Variants in SMYD3 observed in about 807,000 individuals in gnomAD.
SMYD3 encodes SET and MYND domain containing 3.
SMYD3 carries 36 observed loss-of-function variants against 57.7 expected under a neutral mutation model. That is an observed-to-expected ratio of 0.62 (90% CI 0.48 to 0.82). The LOEUF is 0.82. Ranked by LOEUF, SMYD3 falls within the 40% of genes least tolerant of loss-of-function variation. The pLI is 0.00. For missense variants in SMYD3, 515 were observed against 538.8 expected (o/e 0.96, Z 0.44); for synonymous variants, 211 against 195.0 (o/e 1.08, Z -0.68).
In SMYD3 at chr1:246,127,073, A is replaced by G. The variant is rs574507307; in HGVS notation, c.532-197136T>C. Among the ~76,000 whole-genome samples, 4 of 152,320 alleles carry G rather than the reference A, an allele frequency of 2.6e-5. 1 individual carries two copies. The South Asian group carries it at 8.3e-4, about 32-fold the overall frequency. On this transcript the variant is annotated intron_variant, in intron 5 of 11. Transcript: ENST00000490107. ...GCGGATTCCAATGTATCTACACAGG[A>G]AGGTAAAGTGCAAAAGTACCAAAAG... is the stretch of plus-strand genomic sequence containing the variant.
chr1:246,392,241 T>C (rs2066584965), intron 1 of SMYD3, among the ~76,000 whole-genome samples: 1 of 152,022 alleles, frequency 6.6e-6, no homozygotes, highest in Admixed American at 6.6e-5. Context: ...CCAAGGTTGG[T>C]GAAAATGGGA....
intron 5 of SMYD3, among the ~76,000 whole-genome samples, chr1:246,290,538 G>T (rs937417218): frequency 6.6e-6 from 1 of 152,058 alleles, no homozygotes; most frequent in Non-Finnish European, 1.5e-5. Flanking sequence ...CTTAACTTTC[G>T]AGTGTGAGAG....
At chr1:246,393,651 C>A (rs2148772281) in intron 1 of SMYD3, among the ~76,000 whole-genome samples, 1 of 121,180 alleles carries the variant, frequency 8.3e-6, no homozygotes, top group Admixed American at 1.0e-4. Flanking sequence ...CCAGCCTGAG[C>A]AACATAGCGT....
chr1:245,911,041 T>G (rs1336607538), intron 8 of SMYD3, among the ~76,000 whole-genome samples: 2 of 151,736 alleles, frequency 1.3e-5, no homozygotes, highest in Admixed American at 1.3e-4. Context: ...TCAAACTCAA[T>G]AGCAAAAAAC....
intron 5 of SMYD3, among the ~76,000 whole-genome samples, chr1:246,275,020 C>A (rs2486848): frequency 0.49 from 74,321 of 151,926 alleles, 19,466 homozygotes; most frequent in East Asian, 0.79. Context: ...CTTTTATAGG[C>A]AGATTTTTTT....
chr1:246,351,418 CTT>C (rs1460364215), intron 2 of SMYD3, among the ~76,000 whole-genome samples: 1 of 152,078 alleles, frequency 6.6e-6, no homozygotes, highest in East Asian at 1.9e-4. Context: ...TTTGAAAATG[CTT>C]TTTTATAAGA....
At chr1:245,918,054 G>A (rs1397129354) in intron 7 of SMYD3, among the ~76,000 whole-genome samples, 1 of 152,194 alleles carries the variant, frequency 6.6e-6, no homozygotes, top group Non-Finnish European at 1.5e-5. Context: ...TGGCCAGCCA[G>A]ATCTGTCAAA....
intron 10 of SMYD3, among the ~76,000 whole-genome samples, chr1:245,829,310 T>C (rs34257824): frequency 0.016 from 2,428 of 152,248 alleles, 54 homozygotes; most frequent in South Asian, 0.063. Flanking sequence ...CTGGGCACTA[T>C]TCTAGGCCCT....
Position 246,507,049 on chromosome 1 carries a change from C to T in SMYD3, c.164+5G>A. ...CTCAGGTAGGCGAGGGCGCTCCTTA[C>T]GCACCCGAGAAGGCAGCGGTCGCAG... On this transcript the variant is annotated splice_donor_5th_base_variant and intron_variant, in intron 1 of 11. Transcript: ENST00000490107. The T allele has an allele frequency of 1.4e-6, 2 of 1,478,202 alleles. No homozygotes were observed. The highest frequency in any genetic ancestry group is 3.1e-5 in the East Asian group (1 of 32,774). 91.6% of individuals were successfully genotyped at this position (1,478,202 alleles called of 1,614,324 possible).
intron 5 of SMYD3, among the ~76,000 whole-genome samples, chr1:246,268,768 C>T (rs2064160086): frequency 6.6e-6 from 1 of 151,936 alleles, no homozygotes; most frequent in Admixed American, 6.6e-5. Context: ...AACCAGCAGC[C>T]CCTAGGGCTG....
chr1:246,245,468 A>G (rs1436933124), intron 5 of SMYD3, among the ~76,000 whole-genome samples: 1 of 152,170 alleles, frequency 6.6e-6, no homozygotes, highest in African/African-American at 2.4e-5. Context: ...AAAAAACAGA[A>G]ATACTGGGAA....
intron 4 of SMYD3, among the ~76,000 whole-genome samples, 200 bp from the exon 5 acceptor site, chr1:246,327,537 T>C (rs1045641308): frequency 3.3e-5 from 5 of 152,240 alleles, no homozygotes; most frequent in African/African-American, 1.2e-4. Context: ...AAATTTTGTC[T>C]GCAATGTAAG....
intron 7 of SMYD3, among the ~76,000 whole-genome samples, chr1:245,921,300 A>C (rs2055908728): frequency 6.6e-6 from 1 of 152,200 alleles, no homozygotes; most frequent in Non-Finnish European, 1.5e-5. Context: ...GAAGCTGTGG[A>C]GAAAAGGGAA....
intron 9 of SMYD3, among the ~76,000 whole-genome samples, chr1:245,860,267 C>T (rs1271542735): frequency 2.6e-5 from 4 of 152,162 alleles, no homozygotes; most frequent in Non-Finnish European, 4.4e-5. Flanking sequence ...GAGGTCCTAA[C>T]AGAGCACGCC....
intron 1 of SMYD3, among the ~76,000 whole-genome samples, chr1:246,366,962 G>T: frequency 6.8e-6 from 1 of 148,096 alleles, no homozygotes. Flanking sequence ...ATCACCACAT[G>T]TCATTTCAAA....
chr1:246,293,568 T>G (rs2064736728), intron 5 of SMYD3, among the ~76,000 whole-genome samples: 1 of 152,024 alleles, frequency 6.6e-6, no homozygotes, highest in African/African-American at 2.4e-5. Flanking sequence ...GTGAGACTAC[T>G]CCAAGAAAAC....
chr1:245,941,148 C>T (rs2147895674), intron 5 of SMYD3, among the ~76,000 whole-genome samples: 1 of 152,222 alleles, frequency 6.6e-6, no homozygotes, highest in South Asian at 2.1e-4. Flanking sequence ...ACAAAACCTC[C>T]AAGAACTATT....
intron 5 of SMYD3, among the ~76,000 whole-genome samples, chr1:246,044,610 C>A (rs1425858436): frequency 6.6e-6 from 1 of 152,110 alleles, no homozygotes; most frequent in Non-Finnish European, 1.5e-5. Context: ...TGATTTCCAG[C>A]CCAGTTAGCA....
At chr1:246,448,216 CA>C (rs576872452) in intron 1 of SMYD3, among the ~76,000 whole-genome samples, 2 of 150,718 alleles carry the variant, frequency 1.3e-5, no homozygotes, top group Non-Finnish European at 1.5e-5. Context: ...GACTCCGTCT[CA>C]AAAAAAAATA....
Sources: allele counts gnomAD v4.1 joint callset (sites outside exome capture counted in the v4.1 genomes callset), GRCh38; gene constraint gnomAD v4.1.1; transcripts MANE v1.5; gene names NCBI Gene and HGNC (gene_info 2026-07-23, HGNC 2026-07-21).